The following ACSS2 variants were observed in gnomAD, a reference collection of about 807,000 sequenced individuals.
ACSS2 encodes acyl-CoA synthetase short chain family member 2, also known as acetyl-coenzyme A synthetase, cytoplasmic.
ACSS2 carries 58 observed loss-of-function variants against 90.6 expected under a neutral mutation model. The observed-to-expected ratio is 0.64, with a 90% confidence interval of 0.52 to 0.80. ACSS2 has a LOEUF of 0.80. Among genes scored for constraint, ACSS2 ranks in the 30% least tolerant of loss-of-function variants. ACSS2 has a pLI of 0.00. For synonymous variants in ACSS2, 300 were observed against 330.9 expected, an observed-to-expected ratio of 0.91 and a Z score of 1.01; for missense variants, 759 against 912.0, an observed-to-expected ratio of 0.83 and a Z score of 2.16.
chr20:34,927,656 T>G lies in ACSS2; in HGVS notation c.*442T>G, dbSNP rs2147116542. 5.7e-6 allele frequency: 1 copy of G among 174,422 alleles called. No individual in the cohort carries two copies. The highest frequency in any genetic ancestry group is 1.4e-4 in the South Asian group (1 of 7,020). 10.8% of individuals were successfully genotyped at this position (174,422 alleles called of 1,614,324 possible). On this transcript the variant is annotated 3_prime_UTR_variant, in exon 18 of 18. Transcript: ENST00000360596. The surrounding 1 kb of genome is among the most constrained non-coding windows in gnomAD (Gnocchi z 4.2). Reference sequence around the variant, plus strand: ...GGAACAATTTACTATTTTTAAAATATTTTGCTGCTTCTGTTCTGGGTCTGA... The same window carrying G: ...GGAACAATTTACTATTTTTAAAATAGTTTGCTGCTTCTGTTCTGGGTCTGA...
chr20:34,914,010 C>G, intron 5 of ACSS2, 86 bp from the exon 6 acceptor site: 2 of 1,474,186 alleles, frequency 1.4e-6, no homozygotes, highest in Non-Finnish European at 1.9e-6. Flanking sequence ...AGTTAAGAGG[C>G]CTACTCAGGA....
intron 2 of ACSS2, among the ~76,000 whole-genome samples, chr20:34,883,720 G>A (rs1426772544): frequency 6.6e-6 from 1 of 152,182 alleles, no homozygotes; most frequent in Non-Finnish European, 1.5e-5. Context: ...GGTAGAGCCA[G>A]GATTCAAATT....
At chr20:34,879,686 T>C (rs1350506425) in intron 1 of ACSS2, among the ~76,000 whole-genome samples, 1 of 152,168 alleles carries the variant, frequency 6.6e-6, no homozygotes, top group Non-Finnish European at 1.5e-5. Flanking sequence ...GAGCCAAGAT[T>C]GTGCCACTGC....
chr20:34,891,000 G>T (rs1193480660), intron 2 of ACSS2, among the ~76,000 whole-genome samples: 2 of 147,888 alleles, frequency 1.4e-5, no homozygotes, highest in African/African-American at 5.0e-5. Context: ...GTGAACTCCA[G>T]AATATGGACC....
chr20:34,908,717 C>T, intron 2 of ACSS2: 2 of 278,448 alleles, frequency 7.2e-6, no homozygotes, highest in South Asian at 6.5e-5. Flanking sequence ...AAAAATTAGC[C>T]AGGTGTGGTG....
chr20:34,898,388 TTAGCTAGA>T (rs1246512586), intron 2 of ACSS2, among the ~76,000 whole-genome samples: 3 of 151,888 alleles, frequency 2.0e-5, no homozygotes, highest in Non-Finnish European at 4.4e-5. Context: ...CTCCACCAGA[TTAGCTAGA>T]TACAGAGTGC....
intron 7 of ACSS2, among the ~76,000 whole-genome samples, chr20:34,916,943 GGT>G (rs1207252893): frequency 6.6e-6 from 1 of 152,100 alleles, no homozygotes; most frequent in African/African-American, 2.4e-5. Context: ...ACCTTTTCCT[GGT>G]GCAGAGCCTG....
intron 2 of ACSS2, among the ~76,000 whole-genome samples, chr20:34,903,464 T>C (rs2080720104): frequency 6.6e-6 from 1 of 152,162 alleles, no homozygotes. Context: ...TGAAGGTAGC[T>C]TGACCGGGGT....
chr20:34,885,291 T>C (rs2080164237), intron 2 of ACSS2, among the ~76,000 whole-genome samples: 1 of 152,204 alleles, frequency 6.6e-6, no homozygotes, highest in South Asian at 2.1e-4. Context: ...ATTTGTTCCC[T>C]GGTTTGAAAG....
Position 34,921,443 on chromosome 20 carries a change from CCTT to C in ACSS2, c.1394_1396del (p.Phe465del). 4 of 1,614,216 alleles carry C rather than the reference CCTT, an allele frequency of 2.5e-6. No individual in the cohort carries two copies. Among genetic ancestry groups the C allele is most frequent in the Non-Finnish European group, 3.4e-6 (4 of 1,180,044 alleles). On this transcript the variant is annotated inframe_deletion, in exon 11 of 18. Coordinates refer to ENST00000360596, the MANE Select transcript of ACSS2 (RefSeq NM_018677.4). Reference sequence around the variant, plus strand: ...GCCCAGCGCTGCCCCATCGTGGACACCTTCTGGCAAACAGAGACAGTGAGTGAA... The same window carrying C: ...GCCCAGCGCTGCCCCATCGTGGACACCTGGCAAACAGAGACAGTGAGTGAA...
intron 2 of ACSS2, among the ~76,000 whole-genome samples, chr20:34,883,575 C>T (rs753327615): frequency 1.3e-5 from 2 of 152,208 alleles, no homozygotes; most frequent in Non-Finnish European, 2.9e-5. Flanking sequence ...AACCATGACA[C>T]TCTATTATTC....
intron 2 of ACSS2, among the ~76,000 whole-genome samples, chr20:34,885,425 C>A (rs894312598): frequency 6.6e-6 from 1 of 152,152 alleles, no homozygotes; most frequent in African/African-American, 2.4e-5. Context: ...CTTACCTGAA[C>A]AGGCTCTGGA....
chr20:34,924,876 T>G (rs1380136647), intron 14 of ACSS2, among the ~76,000 whole-genome samples: 1 of 152,014 alleles, frequency 6.6e-6, no homozygotes, highest in Non-Finnish European at 1.5e-5. Flanking sequence ...ATTTTTGTAT[T>G]TTTAGTAGAG....
chr20:34,916,530 C>A (rs1017268755), intron 7 of ACSS2, among the ~76,000 whole-genome samples: 8 of 151,976 alleles, frequency 5.3e-5, no homozygotes, highest in Admixed American at 5.2e-4. Context: ...TTCTTAATAC[C>A]AGAGACCTTC....
intron 2 of ACSS2, among the ~76,000 whole-genome samples, chr20:34,912,200 G>T (rs1468882453): frequency 6.6e-6 from 1 of 152,234 alleles, no homozygotes; most frequent in Non-Finnish European, 1.5e-5. Flanking sequence ...AATGACTGAA[G>T]TAAACCAGGC....
chr20:34,914,011 C>T, intron 5 of ACSS2, 85 bp from the exon 6 acceptor site: 1 of 1,486,400 alleles, frequency 6.7e-7, no homozygotes, highest in Non-Finnish European at 9.3e-7. Flanking sequence ...GTTAAGAGGC[C>T]TACTCAGGAA....
chr20:34,891,515 T>A (rs2080335411), intron 2 of ACSS2, among the ~76,000 whole-genome samples: 1 of 152,236 alleles, frequency 6.6e-6, no homozygotes, highest in Admixed American at 6.5e-5. Flanking sequence ...TCTATAATGA[T>A]GTTGACACCA....
intron 2 of ACSS2, among the ~76,000 whole-genome samples, chr20:34,912,869 C>G (rs1221425051): frequency 6.6e-6 from 1 of 152,176 alleles, no homozygotes; most frequent in Non-Finnish European, 1.5e-5. Context: ...ATGGACAGTG[C>G]ATTTTCTAAT....
Position 34,876,711 on chromosome 20 carries a change from C to T in ACSS2, c.66C>T (p.Ala22=). The change falls in exon 1 of 18, where the codon GCC becomes GCT. Residue 22 remains alanine (A), a synonymous_variant. Coordinates refer to ENST00000360596, the MANE Select transcript of ACSS2 (RefSeq NM_018677.4). ...GCCGGGGCCAGGAGGAAGCTGGAGC[C>T]GGAGGCCGGGCGCGGAGTTGGTCTC... ...SGSRGQEEAG[A]GGRARSWSPP... 6.9e-7 allele frequency: 1 copy of T among 1,442,602 alleles called. No individual in the cohort carries two copies. Among genetic ancestry groups the T allele is most frequent in the Non-Finnish European group, 9.2e-7 (1 of 1,089,844 alleles). The allele number at this position is 1,442,602 out of a possible 1,614,324, so 89.4% of individuals were successfully genotyped here.
Sources: allele counts gnomAD v4.1 joint callset (sites outside exome capture counted in the v4.1 genomes callset), GRCh38; gene constraint gnomAD v4.1.1; non-coding constraint Gnocchi (gnomAD v3.1); transcripts MANE v1.5; gene names NCBI Gene and HGNC (gene_info 2026-07-23, HGNC 2026-07-21).